The following NPAS3 variants were observed in gnomAD, a reference collection of about 807,000 sequenced individuals.
The protein encoded by NPAS3 is neuronal PAS domain protein 3.
Under a neutral mutation model 73.1 loss-of-function variants are expected in NPAS3, and 14 were observed. The ratio of observed to expected loss-of-function variants is 0.19; its 90% CI spans 0.13 to 0.30. NPAS3 has a LOEUF of 0.30. Among genes scored for constraint, NPAS3 ranks in the 10% least tolerant of loss-of-function variants. The pLI, the probability that NPAS3 is intolerant of heterozygous loss-of-function variation, is 1.00. For synonymous variants in NPAS3, 620 were observed against 541.5 expected, an observed-to-expected ratio of 1.14 and a Z score of -2.01; for missense variants, 1,096 against 1,250.0, an observed-to-expected ratio of 0.88 and a Z score of 1.86.
chr14:33,530,096 A>T (rs1191090317), intron 4 of NPAS3, among the ~76,000 whole-genome samples: 3 of 152,150 alleles, frequency 2.0e-5, no homozygotes, highest in African/African-American at 7.2e-5. Context: ...ACCGCTCACC[A>T]AAGTATTATA....
chr14:33,182,258 C>T (rs569611754), intron 2 of NPAS3, among the ~76,000 whole-genome samples: 38 of 152,098 alleles, frequency 2.5e-4, no homozygotes, highest in African/African-American at 9.2e-4. Context: ...ATTAAAAATG[C>T]ATTTTATATT....
intron 5 of NPAS3, chr14:33,612,410 G>A (rs2057780244): frequency 2.2e-6 from 1 of 455,856 alleles, no homozygotes; most frequent in African/African-American, 2.0e-5. Flanking sequence ...CACAGGCACA[G>A]ACACTGTGTT....
intron 6 of NPAS3, among the ~76,000 whole-genome samples, chr14:33,721,678 A>G (rs72664543): frequency 1.3e-5 from 2 of 152,282 alleles, no homozygotes; most frequent in Non-Finnish European, 2.9e-5. Flanking sequence ...TTTCAAGAAA[A>G]TTTATTTAGG....
chr14:33,635,327 T>C (rs958510473), intron 5 of NPAS3, among the ~76,000 whole-genome samples: 2 of 151,862 alleles, frequency 1.3e-5, no homozygotes, highest in African/African-American at 2.4e-5. Flanking sequence ...TTACAGAGAG[T>C]TGTCGATGGA....
At chr14:33,526,627 G>GA (rs1030597132) in intron 4 of NPAS3, among the ~76,000 whole-genome samples, 3 of 151,592 alleles carry the variant, frequency 2.0e-5, no homozygotes, top group African/African-American at 4.8e-5. Flanking sequence ...GAGATCAGGG[G>GA]AAAAAATCAA....
intron 4 of NPAS3, among the ~76,000 whole-genome samples, chr14:33,380,945 C>T (rs1032315266): frequency 4.6e-5 from 7 of 151,996 alleles, no homozygotes; most frequent in Non-Finnish European, 8.8e-5. Flanking sequence ...TAGTAAATTT[C>T]ATCTGGTATA....
intron 3 of NPAS3, among the ~76,000 whole-genome samples, chr14:33,366,802 T>C (rs6571597): frequency 0.26 from 39,255 of 151,812 alleles, 5,297 homozygotes; most frequent in South Asian, 0.42. Context: ...TGGGGCGGGG[T>C]TGAGGGGAGA....
At chr14:33,022,262 G>A (rs2039624942) in intron 1 of NPAS3, among the ~76,000 whole-genome samples, 1 of 152,182 alleles carries the variant, frequency 6.6e-6, no homozygotes, top group Non-Finnish European at 1.5e-5. Context: ...ATACATTGGA[G>A]CATATGCCTT....
chr14:33,448,919 C>T (rs2049652969), intron 4 of NPAS3, among the ~76,000 whole-genome samples: 1 of 152,002 alleles, frequency 6.6e-6, no homozygotes. Flanking sequence ...AAACCCCAAA[C>T]GATCTGATAA....
chr14:33,151,874 T>G (rs2044458196), intron 2 of NPAS3, among the ~76,000 whole-genome samples: 1 of 152,186 alleles, frequency 6.6e-6, no homozygotes, highest in African/African-American at 2.4e-5. Flanking sequence ...GAGAGGCAGC[T>G]GCTACTAGTA....
Position 33,156,295 on chromosome 14 carries a change from T to C in NPAS3, c.141-58887T>C, listed in dbSNP as rs940837524. On this transcript the variant is annotated intron_variant, in intron 2 of 11. Transcript: ENST00000356141. Reference sequence around the variant, plus strand: ...ATCACTGCAGATTGATCTATTGAATTTGTCACAGTGGCCTTGTTTTTACCT... The same window carrying C: ...ATCACTGCAGATTGATCTATTGAATCTGTCACAGTGGCCTTGTTTTTACCT... Among the ~76,000 whole-genome samples, 6 of 152,228 alleles carry C rather than the reference T, an allele frequency of 3.9e-5. No homozygotes were observed. The South Asian group carries it at 8.3e-4, about 21-fold the overall frequency.
At position 33,800,765 on chromosome 14, in the gene NPAS3, G is replaced by A; in HGVS notation, c.2458G>A (p.Ala820Thr). The A allele has an allele frequency of 1.3e-6, 2 of 1,572,128 alleles. No homozygotes were observed. The highest frequency in any genetic ancestry group is 1.7e-6 in the Non-Finnish European group (2 of 1,160,510). Residue 820 changes from alanine to threonine, a missense_variant, in exon 12 of 12, where the codon GCG becomes ACG. Ala to Thr is a moderately conservative substitution (Grantham distance 58). This residue lies in a region of NPAS3 where 698 missense variants were observed against 676.7 expected (regional missense o/e 1.03). Coordinates refer to ENST00000356141, the Ensembl canonical transcript of NPAS3. This position sits in a 1 kb window ranked among gnomAD's most constrained non-coding sequence, Gnocchi z 6.5. ...GACCCTGGCCGCCACCAGCACGGCC[G>A]CGCAGAGGGTCTACACCACGGGCAC...
chr14:33,731,646 A>C (rs1295292062), intron 6 of NPAS3, among the ~76,000 whole-genome samples: 2 of 152,056 alleles, frequency 1.3e-5, no homozygotes, highest in Non-Finnish European at 2.9e-5. Context: ...CAGCAACCAC[A>C]CCACCAGCTA....
At chr14:33,133,361 AT>A (rs1478389785) in intron 2 of NPAS3, among the ~76,000 whole-genome samples, 1 of 152,168 alleles carries the variant, frequency 6.6e-6, no homozygotes, top group East Asian at 1.9e-4. Flanking sequence ...TAAATAAAAT[AT>A]TTTATTCAGA....
In NPAS3 at chr14:33,341,233, A is replaced by G. The variant is rs929629790; in HGVS notation, c.386-25953A>G. 3.3e-5 allele frequency among the ~76,000 whole-genome samples: 5 copies of G among 152,234 alleles called. No individual in the cohort carries two copies. The East Asian group carries it at 7.7e-4, about 23-fold the overall frequency. On this transcript the variant is annotated intron_variant, in intron 3 of 11. Coordinates refer to ENST00000356141, the Ensembl canonical transcript of NPAS3. Reference sequence around the variant, plus strand: ...TCTGAAATTAGGGAAGCCACACGCCATCTCAAAACTATACATTTTAGTGGT... The same window carrying G: ...TCTGAAATTAGGGAAGCCACACGCCGTCTCAAAACTATACATTTTAGTGGT...
intron 5 of NPAS3, among the ~76,000 whole-genome samples, chr14:33,574,592 G>GA (rs2056359625): frequency 6.6e-6 from 1 of 151,980 alleles, no homozygotes; most frequent in South Asian, 2.1e-4. Context: ...TGGATGGAGG[G>GA]ACCAAGGGGA....
At chr14:33,312,914 T>C (rs1443673268) in intron 3 of NPAS3, among the ~76,000 whole-genome samples, 2 of 152,094 alleles carry the variant, frequency 1.3e-5, no homozygotes, top group African/African-American at 4.8e-5. Flanking sequence ...TTGGTCGTTA[T>C]ATATACATAG....
intron 2 of NPAS3, among the ~76,000 whole-genome samples, chr14:33,153,822 A>T (rs2044547329): frequency 6.6e-6 from 1 of 152,110 alleles, no homozygotes; most frequent in Non-Finnish European, 1.5e-5. Flanking sequence ...CTTTCTCAGC[A>T]TTGCATACTG....
At chr14:33,622,232 G>C (rs908145155) in intron 5 of NPAS3, among the ~76,000 whole-genome samples, 5 of 152,130 alleles carry the variant, frequency 3.3e-5, no homozygotes, top group Admixed American at 3.3e-4. Flanking sequence ...AAGTCTACTG[G>C]GTCCAAGATT....
Sources: allele counts gnomAD v4.1 joint callset (sites outside exome capture counted in the v4.1 genomes callset), GRCh38; gene constraint gnomAD v4.1.1; regional missense constraint gnomAD v4.1.1; non-coding constraint Gnocchi (gnomAD v3.1); transcripts MANE v1.5; gene names NCBI Gene and HGNC (gene_info 2026-07-23, HGNC 2026-07-21).